Variants in EXOC1 observed in about 807,000 individuals in gnomAD.
EXOC1 encodes the protein exocyst complex component 1.
A neutral mutation model predicts 107.7 loss-of-function variants in EXOC1; 67 were observed. The ratio of observed to expected loss-of-function variants is 0.62; its 90% CI spans 0.51 to 0.76. The LOEUF is 0.76. Among genes scored for constraint, EXOC1 ranks in the 30% least tolerant of loss-of-function variants. The probability of loss-of-function intolerance (pLI) is 0.00; values close to 1 mark genes in which losing one functional copy is unlikely to be tolerated. For synonymous variants in EXOC1, 348 were observed against 353.5 expected (o/e 0.98, Z 0.17); for missense variants, 833 against 1,055.7 (o/e 0.79, Z 2.92).
chr4:55,858,199 T>G (rs1721170479), intron 1 of EXOC1, 115 bp from the exon 2 acceptor site: 2 of 1,024,136 alleles, frequency 2.0e-6, no homozygotes, highest in South Asian at 2.3e-5. Context: ...ATTCATATAT[T>G]AAATCATTTT....
rs759187855 is a variant in EXOC1 at position 55,902,443 on chromosome 4, A to G, written c.2437A>G (p.Ile813Val). The change falls in exon 18 of 19, where the codon ATT becomes GTT. Residue 813 changes from isoleucine to valine, a missense_variant. By Grantham distance (29) the Ile-to-Val change is conservative. Around this residue, in one of 2 missense-constraint regions of EXOC1, gnomAD observed 216 missense variants for 354.4 expected, o/e 0.61. Transcript: ENST00000381295. The stretch of plus-strand genomic sequence containing the variant: ...TAACAAACAAGAACTTCGTAAAGTC[A>G]TTAAGGAGTACCCTGGAAAGGAAGT... ...AFNKQELRKV[I>V]KEYPGKEVKK... 14 of 1,594,848 alleles carry G rather than the reference A, an allele frequency of 8.8e-6. No homozygotes were observed. The highest frequency in any genetic ancestry group is 1.7e-4 in the Middle Eastern group (1 of 6,034).
At chr4:55,883,068 T>A (rs1327960865) in intron 9 of EXOC1, 1 of 152,136 alleles carries the variant, frequency 6.6e-6, no homozygotes, top group East Asian at 1.9e-4. Flanking sequence ...GATACAAAAA[T>A]GTTTTTATTT....
rs751632616 is a variant in EXOC1 at position 55,893,661 on chromosome 4, A to G, written c.1834A>G (p.Met612Val). ...AATTGATAGCTTTAACTCTCTTTAT[A>G]TGTTAGTCAAAATGAGTCATCATGT... Reference protein sequence around the residue: ...DKIDSFNSLYMLVKMSHHVWT... With the variant: ...DKIDSFNSLYVLVKMSHHVWT... Residue 612 changes from methionine to valine, a missense_variant, in exon 15 of 19, where the codon ATG becomes GTG. Transcript: ENST00000381295. 6 of 1,614,116 alleles carry G rather than the reference A, an allele frequency of 3.7e-6. No homozygotes were observed. In the South Asian group the frequency reaches 6.6e-5, roughly 18 times the overall value.
In EXOC1 at chr4:55,904,912, A is replaced by G. The variant is rs1726432554; in HGVS notation, c.*417A>G. On this transcript the variant is annotated 3_prime_UTR_variant, in exon 19 of 19. Coordinates refer to ENST00000381295, the MANE Select transcript of EXOC1 (RefSeq NM_001024924.2). Reference sequence around the variant, plus strand: ...ACAAAATTGTTTTTTCACACTAACAAATGTGTATATGGAGAAGAGGGCTCA... The same window carrying G: ...ACAAAATTGTTTTTTCACACTAACAGATGTGTATATGGAGAAGAGGGCTCA... 1.3e-5 allele frequency: 2 copies of G among 153,856 alleles called. No individual in the cohort carries two copies. Among genetic ancestry groups the G allele is most frequent in the African/African-American group, 2.4e-5 (1 of 41,514 alleles). The allele number at this position is 153,856 out of a possible 1,614,324, so 9.5% of individuals were successfully genotyped here.
At chr4:55,895,679 T>C (rs1012636774) in intron 15 of EXOC1, among the ~76,000 whole-genome samples, 4 of 152,182 alleles carry the variant, frequency 2.6e-5, no homozygotes, top group Non-Finnish European at 5.9e-5. Context: ...ACTGAGTAGA[T>C]TTAGATCCCT....
chr4:55,864,407 A>G (rs1721768551), intron 4 of EXOC1, 21 bp downstream of exon 4: 8 of 1,568,144 alleles, frequency 5.1e-6, no homozygotes, highest in Middle Eastern at 1.9e-4. Flanking sequence ...ATAAAAATGT[A>G]TATGTAAAAT....
At chr4:55,901,158 A>G (rs1167074536) in intron 17 of EXOC1, among the ~76,000 whole-genome samples, 1 of 152,178 alleles carries the variant, frequency 6.6e-6, no homozygotes, top group Non-Finnish European at 1.5e-5. Flanking sequence ...ACAAGACCTG[A>G]AACATAAATA....
intron 10 of EXOC1, 57 bp downstream of exon 10, chr4:55,883,985 C>A: frequency 1.6e-6 from 2 of 1,248,080 alleles, no homozygotes; most frequent in Non-Finnish European, 1.1e-6. Context: ...TTATTTATAA[C>A]AAATAATTCT....
At chr4:55,864,416 A>G in intron 4 of EXOC1, 30 bp downstream of exon 4, 1 of 1,518,500 alleles carries the variant, frequency 6.6e-7, no homozygotes, top group Non-Finnish European at 9.0e-7. Context: ...TATATGTAAA[A>G]TCAATTATAT....
intron 18 of EXOC1, among the ~76,000 whole-genome samples, chr4:55,903,875 T>C (rs994903710): frequency 6.6e-6 from 1 of 152,174 alleles, no homozygotes; most frequent in Non-Finnish European, 1.5e-5. Context: ...AGGTTTTGCA[T>C]CAACAATTTT....
In EXOC1 at chr4:55,899,677, G is replaced by A. The variant is rs776514756; in HGVS notation, c.2138-8G>A. On this transcript the variant is annotated splice_region_variant and splice_polypyrimidine_tract_variant and intron_variant, in intron 16 of 18. Transcript: ENST00000381295. ...GATGTTATTTTATTTTTTCTGTTTT[G>A]GTTTTAGTGGAGAAAGTAGCAAATG... The A allele has an allele frequency of 2.5e-6, 4 of 1,602,118 alleles. No individual in the cohort carries two copies. Among genetic ancestry groups the A allele is most frequent in the Non-Finnish European group, 3.4e-6 (4 of 1,175,434 alleles).
chr4:55,899,968 C>G (rs1056697340), intron 17 of EXOC1, 84 bp downstream of exon 17: 8 of 1,205,484 alleles, frequency 6.6e-6, no homozygotes, highest in Non-Finnish European at 8.0e-6. Context: ...AGACATTTAT[C>G]TTAAATTTTC....
intron 9 of EXOC1, among the ~76,000 whole-genome samples, chr4:55,881,108 C>T (rs1275213223): frequency 6.6e-6 from 1 of 152,192 alleles, no homozygotes; most frequent in Non-Finnish European, 1.5e-5. Context: ...GAATCACTAG[C>T]CACTGCCTCT....
Position 55,871,107 on chromosome 4 carries a change from A to G in EXOC1, c.838A>G (p.Met280Val). ...GTGTTTGCATATATTCTAGAACCAC[A>G]TGGACTTGGCCAAAGGTCATATAAA... ...LSEIEFLVNH[M>V]DLAKGHIKAL... Residue 280 changes from methionine to valine, a missense_variant, in exon 7 of 19, where the codon ATG becomes GTG. Coordinates refer to ENST00000381295, the MANE Select transcript of EXOC1 (RefSeq NM_001024924.2). 6.2e-7 allele frequency: 1 copy of G among 1,613,578 alleles called. No homozygotes were observed. Among genetic ancestry groups the G allele is most frequent in the Non-Finnish European group, 8.5e-7 (1 of 1,179,742 alleles).
At chr4:55,855,105 A>G (rs1720837237) in intron 1 of EXOC1, among the ~76,000 whole-genome samples, 1 of 151,972 alleles carries the variant, frequency 6.6e-6, no homozygotes, top group Admixed American at 6.6e-5. Context: ...CAAAATGAAC[A>G]GAGTGTTTGG....
Position 55,890,534 on chromosome 4 carries a change from A to G in EXOC1, c.1539+148A>G. 6.7e-6 allele frequency: 3 copies of G among 448,706 alleles called. No homozygotes were observed. In the East Asian group the frequency reaches 1.0e-4, roughly 15 times the overall value. The allele number at this position is 448,706 out of a possible 1,614,324, so 27.8% of individuals were successfully genotyped here. A position where few individuals can be genotyped will look rare whatever the true frequency, so the allele number is the denominator to read the frequency against. On this transcript the variant is annotated intron_variant, in intron 12 of 18. Coordinates refer to ENST00000381295, the MANE Select transcript of EXOC1 (RefSeq NM_001024924.2). Reference sequence around the variant, plus strand: ...TTTCCAACTGAATCGAATCTGGGAAAAAAAAAAAAAAAAACTAGTCAAAGG... The same window carrying G: ...TTTCCAACTGAATCGAATCTGGGAAGAAAAAAAAAAAAAACTAGTCAAAGG...
Position 55,883,893 on chromosome 4 carries a change from A to C in EXOC1, c.1295A>C (p.Lys432Thr). Residue 432 changes from lysine (K) to threonine (T), a missense_variant, in exon 10 of 19, where the codon AAG becomes ACG. By Grantham distance (78) the Lys-to-Thr change is moderately conservative. Around this residue, in one of 2 missense-constraint regions of EXOC1, gnomAD observed 617 missense variants for 701.3 expected, o/e 0.88. Transcript: ENST00000381295. The stretch of plus-strand genomic sequence containing the variant: ...GATTTCTTTGAAGTTGCAAAGATCA[A>C]GATGACTGGCACAACTAAAGAAAGC... Reference protein sequence around the residue: ...IKDFFEVAKIKMTGTTKESKK... With the variant: ...IKDFFEVAKITMTGTTKESKK... 5 of 1,607,944 alleles carry C rather than the reference A, an allele frequency of 3.1e-6. No homozygotes were observed. Among genetic ancestry groups the C allele is most frequent in the Non-Finnish European group, 4.2e-6 (5 of 1,177,982 alleles).
rs137887841 is a variant in EXOC1, at chr4:55,875,566, A to C, written c.1075-2351A>C. ...CTACCTCCTAGCTGGGTTACCTTGA[A>C]CAAGTTAATTGACATTTGTGCCTGA... is the stretch of plus-strand genomic sequence containing the variant. On this transcript the variant is annotated intron_variant, in intron 8 of 18. Transcript: ENST00000381295. The C allele has an allele frequency of 1.7e-3, 1,683 of 984,542 alleles. 11 individuals carry two copies. The African/African-American group carries it at 0.027, about 16-fold the overall frequency. The allele number at this position is 984,542 out of a possible 1,614,324, so 61.0% of individuals were successfully genotyped here. A position where few individuals can be genotyped will look rare whatever the true frequency, so the allele number is the denominator to read the frequency against.
chr4:55,871,330 G>T, intron 7 of EXOC1, 97 bp downstream of exon 7: 1 of 1,391,158 alleles, frequency 7.2e-7, no homozygotes, highest in Non-Finnish European at 9.7e-7. Flanking sequence ...TGAGACAAGT[G>T]GTTTAAGGGT....
Sources: gnomAD v4.1 joint callset for allele counts (sites outside exome capture counted in the v4.1 genomes callset) on GRCh38, gnomAD v4.1.1 for gene constraint, gnomAD v4.1.1 regional missense constraint, MANE v1.5 for transcripts, NCBI Gene and HGNC (gene_info 2026-07-23, HGNC 2026-07-21) for gene names.